DYRK1A: variants seen among roughly 807,000 people sequenced by gnomAD.
DYRK1A encodes dual specificity tyrosine-phosphorylation-regulated kinase 1A.
A neutral mutation model predicts 79.7 loss-of-function variants in DYRK1A; 9 were observed. The ratio of observed to expected loss-of-function variants is 0.11; its 90% confidence interval spans 0.07 to 0.20. The LOEUF is 0.20. Ranked by LOEUF, DYRK1A falls within the 10% of genes least tolerant of loss-of-function variation. DYRK1A has a pLI of 1.00. For synonymous variants in DYRK1A, 349 were observed against 329.7 expected (o/e 1.06, Z -0.63); for missense variants, 622 against 956.0 (o/e 0.65, Z 4.61).
intron 1 of DYRK1A, among the ~76,000 whole-genome samples, chr21:37,399,525 A>G (rs923538438): frequency 2.0e-5 from 3 of 152,176 alleles, no homozygotes; most frequent in Non-Finnish European, 2.9e-5. Flanking sequence ...TAAAGTAGTG[A>G]AAAAAAGACA....
At chr21:37,508,074 T>C (rs2053647818) in intron 11 of DYRK1A, among the ~76,000 whole-genome samples, 1 of 151,624 alleles carries the variant, frequency 6.6e-6, no homozygotes, top group South Asian at 2.1e-4. Context: ...GGGGCACTCC[T>C]CTCTCCCTCT....
intron 1 of DYRK1A, among the ~76,000 whole-genome samples, chr21:37,396,974 C>T (rs943135599): frequency 1.1e-4 from 16 of 152,154 alleles, no homozygotes; most frequent in South Asian, 6.2e-4. Context: ...CATTTTTTTC[C>T]GTCTTGTTCC....
At chr21:37,496,316 T>C in intron 9 of DYRK1A, 58 bp downstream of exon 9, 1 of 1,510,716 alleles carries the variant, frequency 6.6e-7, no homozygotes, top group Non-Finnish European at 9.0e-7. Context: ...CATACCTGTC[T>C]TTTTATAGCT....
chr21:37,477,585 T>C (rs1159505234), intron 3 of DYRK1A, among the ~76,000 whole-genome samples: 1 of 151,886 alleles, frequency 6.6e-6, no homozygotes, highest in Non-Finnish European at 1.5e-5. Flanking sequence ...GAGCCATGAG[T>C]TGGGATCAGG....
intron 1 of DYRK1A, among the ~76,000 whole-genome samples, chr21:37,376,302 G>T (rs1288190468): frequency 6.6e-6 from 1 of 152,186 alleles, no homozygotes; most frequent in Non-Finnish European, 1.5e-5. Flanking sequence ...GAGGTCAGGA[G>T]TTCGAGACCA....
intron 1 of DYRK1A, among the ~76,000 whole-genome samples, chr21:37,386,211 A>G (rs553807976): frequency 2.2e-4 from 34 of 152,220 alleles, no homozygotes; most frequent in African/African-American, 7.2e-4. Context: ...TAATTATTTC[A>G]CTATATATTA....
Position 37,496,195 on chromosome 21 carries a change from A to G in DYRK1A, c.1149A>G (p.Arg383=), listed in dbSNP as rs1201413262. 1 of 1,614,118 alleles carries G rather than the reference A, an allele frequency of 6.2e-7. No homozygotes were observed. Among genetic ancestry groups the G allele is most frequent in the Non-Finnish European group, 8.5e-7 (1 of 1,179,996 alleles). The change falls in exon 9 of 12, where the codon AGA becomes AGG. Residue 383 remains arginine, a synonymous_variant. Transcript: ENST00000647188. ...TTCTTGACCAAGCACCAAAAGCAAGAAAGTTCTTTGAGAAGTTGCCAGATG... is the reference window on the plus strand; with the variant it reads ...TTCTTGACCAAGCACCAAAAGCAAGGAAGTTCTTTGAGAAGTTGCCAGATG... ...AHILDQAPKA[R]KFFEKLPDGT...
upstream of DYRK1A, among the ~76,000 whole-genome samples, chr21:37,366,346 G>C (rs2049303112): frequency 6.9e-6 from 1 of 145,298 alleles, no homozygotes; most frequent in Admixed American, 6.8e-5. Context: ...CGGGGCGCTA[G>C]GGCTGCGGGG....
chr21:37,393,061 G>A (rs1396250061), intron 1 of DYRK1A, among the ~76,000 whole-genome samples: 1 of 152,242 alleles, frequency 6.6e-6, no homozygotes, highest in Admixed American at 6.5e-5. Flanking sequence ...TCCCAGCACT[G>A]TTATGTTGTG....
intron 2 of DYRK1A, among the ~76,000 whole-genome samples, chr21:37,433,161 A>G (rs959274752): frequency 6.6e-6 from 1 of 151,916 alleles, no homozygotes; most frequent in African/African-American, 2.4e-5. Context: ...GTACTTTCCT[A>G]AACTCCATAA....
chr21:37,449,362 T>C (rs1271730008), intron 2 of DYRK1A, among the ~76,000 whole-genome samples: 1 of 152,236 alleles, frequency 6.6e-6, no homozygotes, highest in Non-Finnish European at 1.5e-5. Context: ...ACAGCTCTGC[T>C]CTGCAGTTAT....
intron 1 of DYRK1A, among the ~76,000 whole-genome samples, chr21:37,391,256 C>T (rs2049864880): frequency 6.6e-6 from 1 of 152,110 alleles, no homozygotes. Context: ...ATGTGCATGT[C>T]CTGAGCCTCC....
chr21:37,463,783 T>G (rs1297222833), intron 2 of DYRK1A, among the ~76,000 whole-genome samples: 1 of 152,232 alleles, frequency 6.6e-6, no homozygotes, highest in East Asian at 1.9e-4. Flanking sequence ...TCATTTTGGA[T>G]GTGCCTTGTT....
chr21:37,512,035 A>G lies in DYRK1A; in HGVS notation c.1769A>G (p.His590Arg), dbSNP rs1477748111. The G allele has an allele frequency of 1.2e-6, 2 of 1,614,168 alleles. No individual in the cohort carries two copies. The highest frequency in any genetic ancestry group is 1.7e-6 in the Non-Finnish European group (2 of 1,180,016). Residue 590 changes from histidine to arginine, a missense_variant, in exon 12 of 12, where the codon CAT becomes CGT. His to Arg is a conservative substitution (Grantham distance 29, BLOSUM62 0). This residue lies in a region of DYRK1A where 292 missense variants were observed against 316.7 expected (regional missense o/e 0.92). Coordinates refer to ENST00000647188, the MANE Select transcript of DYRK1A (RefSeq NM_001347721.2). ...FHVAPQQNAL[H>R]HHHGNSSHHH... The stretch of plus-strand genomic sequence containing the variant: ...GTAGCCCCTCAACAGAATGCATTGC[A>G]TCATCACCATGGTAACAGTTCCCAT...
At chr21:37,429,717 A>G (rs1242404335) in intron 2 of DYRK1A, among the ~76,000 whole-genome samples, 1 of 152,262 alleles carries the variant, frequency 6.6e-6, no homozygotes, top group Non-Finnish European at 1.5e-5. Flanking sequence ...CACCATGCTT[A>G]GCCGATATTG....
At chr21:37,467,191 C>T (rs1010341856) in intron 2 of DYRK1A, among the ~76,000 whole-genome samples, 1 of 151,902 alleles carries the variant, frequency 6.6e-6, no homozygotes, top group African/African-American at 2.4e-5. Flanking sequence ...GTGAATCTAC[C>T]ACACACGCAT....
intron 1 of DYRK1A, among the ~76,000 whole-genome samples, chr21:37,370,471 A>C (rs2049408185): frequency 6.6e-6 from 1 of 152,102 alleles, no homozygotes; most frequent in Non-Finnish European, 1.5e-5. Context: ...TTAGTAGAAG[A>C]GTGGGCTTCA....
chr21:37,441,583 C>T (rs2051104572), intron 2 of DYRK1A, among the ~76,000 whole-genome samples: 1 of 151,920 alleles, frequency 6.6e-6, no homozygotes, highest in Admixed American at 6.6e-5. Context: ...TTAGTGGTTT[C>T]TCTTTATCTT....
chr21:37,458,268 C>CTGTGTGTGTGTGTGTGTGTGTGTGTG (rs3138683), intron 2 of DYRK1A, among the ~76,000 whole-genome samples: 13 of 130,484 alleles, frequency 1.0e-4, no homozygotes, highest in South Asian at 2.8e-4. Flanking sequence ...GGGTAATTTA[C>CTGTGTGTGTGTGTGTGTGTGTGTGTG]TGTGTGTGTG....
Sources: allele counts gnomAD v4.1 joint callset (sites outside exome capture counted in the v4.1 genomes callset), GRCh38; gene constraint gnomAD v4.1.1; regional missense constraint gnomAD v4.1.1; transcripts MANE v1.5; gene names NCBI Gene and HGNC (gene_info 2026-07-23, HGNC 2026-07-21).